Variants in WDR33 observed in about 807,000 individuals in gnomAD.
WDR33 encodes the protein WD repeat domain 33.
WDR33 carries 47 observed loss-of-function variants against 164.9 expected under a neutral mutation model. That is an observed-to-expected ratio of 0.29 (90% confidence interval 0.23 to 0.36). The LOEUF is 0.36. Among genes scored for constraint, WDR33 ranks in the 10% least tolerant of loss-of-function variants. The probability of loss-of-function intolerance (pLI) is 1.00; values close to 1 mark genes in which losing one functional copy is unlikely to be tolerated. For missense variants in WDR33, 1,137 were observed against 1,754.1 expected (o/e 0.65, Z 6.28); for synonymous variants, 505 against 589.0 (o/e 0.86, Z 2.06).
At chr2:127,742,860 T>TAAAA (rs34957656) in intron 7 of WDR33, among the ~76,000 whole-genome samples, 1 of 127,004 alleles carries the variant, frequency 7.9e-6, no homozygotes, top group Non-Finnish European at 1.7e-5. Flanking sequence ...TACTCACAGT[T>TAAAA]AAAAAAAAAA....
intron 7 of WDR33, among the ~76,000 whole-genome samples, chr2:127,743,255 A>G (rs1687077442): frequency 6.6e-6 from 1 of 152,214 alleles, no homozygotes; most frequent in Non-Finnish European, 1.5e-5. Flanking sequence ...TGCTATGATA[A>G]AGGTTTTAGT....
chr2:127,738,850 T>C lies in WDR33; in HGVS notation c.725-12073A>G, dbSNP rs1686932763. Among the ~76,000 whole-genome samples, 1 of 152,188 alleles carries C rather than the reference T, an allele frequency of 6.6e-6. No homozygotes were observed. Among genetic ancestry groups the C allele is most frequent in the South Asian group, 2.1e-4 (1 of 4,834 alleles). On this transcript the variant is annotated intron_variant, in intron 7 of 21. Transcript: ENST00000322313. The surrounding 1 kb of genome is among the most constrained non-coding windows in gnomAD (Gnocchi z 4.4). ...GCAGTCACTCTGTAAATAATTTTCTTGATTAAAATGAAGAGGAGGAGGAGA... is the reference window on the plus strand; with the variant it reads ...GCAGTCACTCTGTAAATAATTTTCTCGATTAAAATGAAGAGGAGGAGGAGA...
Position 127,724,295 on chromosome 2 carries a change from C to T in WDR33, c.1196+38G>A, listed in dbSNP as rs760587793. The T allele has an allele frequency of 1.3e-6, 2 of 1,486,200 alleles. No individual in the cohort carries two copies. Among genetic ancestry groups the T allele is most frequent in the Non-Finnish European group, 1.9e-6 (2 of 1,067,678 alleles). The allele number at this position is 1,486,200 out of a possible 1,614,324, so 92.1% of individuals were successfully genotyped here. On this transcript the variant is annotated intron_variant, in intron 11 of 21. Transcript: ENST00000322313. The surrounding 1 kb of genome is among the most constrained non-coding windows in gnomAD (Gnocchi z 4.8). ...CACATACAGTATTTATTTCCTGTTGCTCCATATAAAGCTTTGCTATTTCAA... is the reference window on the plus strand; with the variant it reads ...CACATACAGTATTTATTTCCTGTTGTTCCATATAAAGCTTTGCTATTTCAA...
At chr2:127,752,649 C>CCTG (rs1687405605) in intron 7 of WDR33, among the ~76,000 whole-genome samples, 1 of 150,560 alleles carries the variant, frequency 6.6e-6, no homozygotes, top group African/African-American at 2.4e-5. Context: ...ATGACAGCAG[C>CCTG]CTGCTGCTAT....
At chr2:127,798,110 G>A (rs1360099257) in intron 1 of WDR33, among the ~76,000 whole-genome samples, 1 of 152,054 alleles carries the variant, frequency 6.6e-6, no homozygotes, top group Non-Finnish European at 1.5e-5. Context: ...GCTCATGTCT[G>A]TAATCCCAGC....
At chr2:127,804,044 G>A (rs1393254159) in intron 1 of WDR33, among the ~76,000 whole-genome samples, 4 of 151,912 alleles carry the variant, frequency 2.6e-5, no homozygotes, top group Non-Finnish European at 4.4e-5. Context: ...GATTGGGACC[G>A]GGTGCGGTGG....
chr2:127,741,135 C>A lies in WDR33; in HGVS notation c.725-14358G>T, dbSNP rs1687002538. Among the ~76,000 whole-genome samples, 1 of 152,180 alleles carries A rather than the reference C, an allele frequency of 6.6e-6. No homozygotes were observed. The highest frequency in any genetic ancestry group is 2.4e-5 in the African/African-American group (1 of 41,440). Reference sequence around the variant, plus strand: ...ACTTCCTGTTTCTGTAGAACAGATGCTCTCAGTCAGACAAAGCAAATTATA... The same window carrying A: ...ACTTCCTGTTTCTGTAGAACAGATGATCTCAGTCAGACAAAGCAAATTATA... On this transcript the variant is annotated intron_variant, in intron 7 of 21. Coordinates refer to ENST00000322313, the MANE Select transcript of WDR33 (RefSeq NM_018383.5). The surrounding 1 kb of genome is among the most constrained non-coding windows in gnomAD (Gnocchi z 4.1).
intron 1 of WDR33, among the ~76,000 whole-genome samples, chr2:127,797,156 T>C (rs72968996): frequency 0.017 from 2,529 of 152,010 alleles, 25 homozygotes; most frequent in East Asian, 0.03. Context: ...TTTTATACCT[T>C]TTAGCTACAA....
At chr2:127,736,695 C>T (rs1686855005) in intron 7 of WDR33, 18 of 985,208 alleles carry the variant, frequency 1.8e-5, no homozygotes, top group South Asian at 1.4e-4. Flanking sequence ...AAATTAGTGC[C>T]GTGTAACTTC....
chr2:127,769,430 C>G (rs1050917492), intron 2 of WDR33, among the ~76,000 whole-genome samples: 7 of 151,256 alleles, frequency 4.6e-5, no homozygotes, highest in African/African-American at 1.5e-4. Flanking sequence ...GATTCCATCT[C>G]AAAAAAACAA....
rs910205705 is a variant in WDR33 at position 127,723,422 on chromosome 2, C to A, written c.1197-75G>T. The A allele has an allele frequency of 4.5e-6, 5 of 1,118,268 alleles. No homozygotes were observed. The highest frequency in any genetic ancestry group is 6.6e-6 in the Non-Finnish European group (5 of 756,266). 69.3% of individuals were successfully genotyped at this position (1,118,268 alleles called of 1,614,324 possible). A position where few individuals can be genotyped will look rare whatever the true frequency, so the allele number is the denominator to read the frequency against. On this transcript the variant is annotated intron_variant, in intron 11 of 21. Transcript: ENST00000322313. This position sits in a 1 kb window ranked among gnomAD's most constrained non-coding sequence, Gnocchi z 5.9. ...GGGCACTAAACAGTACTAGGCAGAC[C>A]CTTGGTAAACACAACACATTTTTAC... is the stretch of plus-strand genomic sequence containing the variant.
intron 7 of WDR33, among the ~76,000 whole-genome samples, chr2:127,734,276 T>C (rs1394217381): frequency 6.6e-6 from 1 of 152,192 alleles, no homozygotes; most frequent in Non-Finnish European, 1.5e-5. Context: ...CACTGAGTTA[T>C]TTTTAGATAT....
Position 127,732,382 on chromosome 2 carries a change from G to T in WDR33, c.725-5605C>A, listed in dbSNP as rs181214004. 3.1e-3 allele frequency among the ~76,000 whole-genome samples: 465 copies of T among 151,898 alleles called. 3 individuals are homozygous for T. The highest frequency in any genetic ancestry group is 4.5e-3 in the Non-Finnish European group (305 of 67,914). ...GGGAAGTTGAGCACAGGAGGCGGAG[G>T]CTGCAGTGAACTGATTGCAGCCTCT... On this transcript the variant is annotated intron_variant, in intron 7 of 21. Transcript: ENST00000322313.
intron 5 of WDR33, 83 bp from the exon 6 acceptor site, chr2:127,765,062 T>A: frequency 1.3e-6 from 2 of 1,562,296 alleles, no homozygotes; most frequent in Non-Finnish European, 1.7e-6. Flanking sequence ...TATAACTGAC[T>A]CGAGGTAATA....
intron 1 of WDR33, among the ~76,000 whole-genome samples, chr2:127,773,170 T>G (rs1688066293): frequency 6.6e-6 from 1 of 152,140 alleles, no homozygotes; most frequent in African/African-American, 2.4e-5. Context: ...TTAAAAACTA[T>G]TACAAATACA....
In WDR33 at chr2:127,708,157, T is replaced by G. The variant is rs1357150494; in HGVS notation, c.3781+520A>C. Among the ~76,000 whole-genome samples, 7 of 152,190 alleles carry G rather than the reference T, an allele frequency of 4.6e-5. No individual in the cohort carries two copies. Among genetic ancestry groups the G allele is most frequent in the Non-Finnish European group, 4.4e-5 (3 of 68,032 alleles). On this transcript the variant is annotated intron_variant, in intron 21 of 21. Coordinates refer to ENST00000322313, the MANE Select transcript of WDR33 (RefSeq NM_018383.5). This position sits in a 1 kb window ranked among gnomAD's most constrained non-coding sequence, Gnocchi z 6.7. Reference sequence around the variant, plus strand: ...GGCAACTACTCCTGGCTAAAGTTAGTGCTGCCTATAACATAAAGCTCCACA... The same window carrying G: ...GGCAACTACTCCTGGCTAAAGTTAGGGCTGCCTATAACATAAAGCTCCACA...
chr2:127,791,170 C>T (rs374439224), intron 1 of WDR33, among the ~76,000 whole-genome samples: 4 of 112,700 alleles, frequency 3.5e-5, no homozygotes, highest in African/African-American at 9.6e-5. Context: ...CCCCACCCCC[C>T]CCCCCAGCAA....
chr2:127,721,169 A>G lies in WDR33; in HGVS notation c.1671+667T>C, dbSNP rs1022091056. On this transcript the variant is annotated intron_variant, in intron 15 of 21. Transcript: ENST00000322313. The surrounding 1 kb of genome is among the most constrained non-coding windows in gnomAD (Gnocchi z 4.9). ...GTGGCACAGGCTGGAGTGCAGTGGT[A>G]CGATCTCGGCTCACTGAAACTTCTG... Among the ~76,000 whole-genome samples the G allele has an allele frequency of 2.0e-5, 3 of 151,926 alleles. No homozygotes were observed. The highest frequency in any genetic ancestry group is 7.3e-5 in the African/African-American group (3 of 41,328).
At position 127,809,752 on chromosome 2, in the gene WDR33, C is replaced by T. The variant is rs139128902; in HGVS notation, c.-24+1260G>A. Reference sequence around the variant, plus strand: ...CGCCCGGCCATAAGCCAACTTTCTACCAAAATTCTTCCTAGGAGTACAGGA... The same window carrying T: ...CGCCCGGCCATAAGCCAACTTTCTATCAAAATTCTTCCTAGGAGTACAGGA... On this transcript the variant is annotated intron_variant, in intron 1 of 21. Coordinates refer to ENST00000322313, the MANE Select transcript of WDR33 (RefSeq NM_018383.5). 1.8e-3 allele frequency among the ~76,000 whole-genome samples: 267 copies of T among 152,158 alleles called. 9 individuals carry two copies. The East Asian group carries it at 0.045, about 26-fold the overall frequency.
Sources: allele counts gnomAD v4.1 joint callset (sites outside exome capture counted in the v4.1 genomes callset), GRCh38; gene constraint gnomAD v4.1.1; non-coding constraint Gnocchi (gnomAD v3.1); transcripts MANE v1.5; gene names NCBI Gene and HGNC (gene_info 2026-07-23, HGNC 2026-07-21).